The following NLGN1 variants were observed in gnomAD, a reference collection of about 807,000 sequenced individuals.
NLGN1 encodes neuroligin-1.
In NLGN1, 12 loss-of-function variants were observed where a neutral mutation model predicts 65.5. The ratio of observed to expected loss-of-function variants is 0.18; its 90% CI spans 0.12 to 0.30. The LOEUF (loss-of-function observed/expected upper bound fraction) is 0.30. Among genes scored for constraint, NLGN1 ranks in the 10% least tolerant of loss-of-function variants. NLGN1 has a pLI of 1.00. For missense variants in NLGN1, 750 were observed against 1,007.1 expected, an observed-to-expected ratio of 0.74 and a Z score of 3.46; for synonymous variants, 350 against 359.5, an observed-to-expected ratio of 0.97 and a Z score of 0.30.
intron 3 of NLGN1, among the ~76,000 whole-genome samples, chr3:173,773,763 G>A (rs1779914423): frequency 1.3e-5 from 2 of 152,052 alleles, no homozygotes; most frequent in African/African-American, 4.8e-5. Flanking sequence ...ACATATAACT[G>A]TATATATAAA....
At chr3:173,524,879 TA>T (rs1176340851) in intron 2 of NLGN1, among the ~76,000 whole-genome samples, 2 of 152,206 alleles carry the variant, frequency 1.3e-5, no homozygotes, top group Admixed American at 6.5e-5. Flanking sequence ...TTGATTTGCA[TA>T]TGTGAACCAT....
chr3:173,564,122 T>C (rs1206987845), intron 2 of NLGN1, among the ~76,000 whole-genome samples: 1 of 152,230 alleles, frequency 6.6e-6, no homozygotes, highest in East Asian at 1.9e-4. Context: ...ACATACCAGT[T>C]GCAGTCCTGC....
At chr3:173,899,383 G>A (rs551593443) in intron 4 of NLGN1, among the ~76,000 whole-genome samples, 4 of 152,176 alleles carry the variant, frequency 2.6e-5, no homozygotes, top group South Asian at 2.1e-4. Context: ...TGGAATAAGC[G>A]TAGAACATTT....
chr3:173,404,598 G>A (rs1718270692), intron 1 of NLGN1, among the ~76,000 whole-genome samples: 1 of 152,158 alleles, frequency 6.6e-6, no homozygotes, highest in South Asian at 2.1e-4. Context: ...GTGAAATAGA[G>A]TTTAAATAGA....
At chr3:174,112,665 G>T (rs578217069) in intron 4 of NLGN1, among the ~76,000 whole-genome samples, 2 of 151,754 alleles carry the variant, frequency 1.3e-5, no homozygotes, top group Non-Finnish European at 2.9e-5. Context: ...CATTACTTCC[G>T]CTTAAAATGA....
chr3:173,958,881 TA>T (rs1712817611), intron 4 of NLGN1, among the ~76,000 whole-genome samples: 1 of 152,154 alleles, frequency 6.6e-6, no homozygotes, highest in Non-Finnish European at 1.5e-5. Context: ...GGAGGGGGCC[TA>T]GGCAGCAGGG....
At chr3:174,149,848 A>T in intron 4 of NLGN1, among the ~76,000 whole-genome samples, 1 of 152,086 alleles carries the variant, frequency 6.6e-6, no homozygotes, top group East Asian at 1.9e-4. Context: ...GCTTTTGAAT[A>T]ACTAGGTGAA....
intron 4 of NLGN1, among the ~76,000 whole-genome samples, chr3:174,268,870 C>A (rs1321449307): frequency 2.6e-5 from 4 of 151,588 alleles, no homozygotes; most frequent in African/African-American, 9.7e-5. Flanking sequence ...TGTCTTAGAA[C>A]AAATTGATAA....
rs184600964 is a variant in NLGN1 at position 174,266,322 on chromosome 3, T to C, written c.647-8993T>C. Among the ~76,000 whole-genome samples, 5 of 152,268 alleles carry C rather than the reference T, an allele frequency of 3.3e-5. No individual in the cohort carries two copies. The East Asian group carries it at 7.7e-4, about 23-fold the overall frequency. ...GAAGATGCAGTATTCTGTTTTCTGC[T>C]CTTGTGTTAATTTGCGTAGGATAAT... On this transcript the variant is annotated intron_variant, in intron 4 of 6. Transcript: ENST00000457714.
chr3:173,995,831 T>C (rs1193030607), intron 4 of NLGN1, among the ~76,000 whole-genome samples: 1 of 151,816 alleles, frequency 6.6e-6, no homozygotes, highest in Non-Finnish European at 1.5e-5. Context: ...GGACTCCCGG[T>C]GCACATACCA....
At chr3:173,437,420 A>G (rs1430101335) in intron 2 of NLGN1, among the ~76,000 whole-genome samples, 2 of 152,204 alleles carry the variant, frequency 1.3e-5, no homozygotes, top group East Asian at 1.9e-4. Flanking sequence ...TTTCAGCTAC[A>G]TTATTAAAAG....
At chr3:173,466,957 CTTCT>C (rs1421609600) in intron 2 of NLGN1, among the ~76,000 whole-genome samples, 1 of 152,004 alleles carries the variant, frequency 6.6e-6, no homozygotes, top group Admixed American at 6.6e-5. Context: ...AATTTGTTGC[CTTCT>C]TTATTTTTAT....
chr3:173,908,804 C>T (rs1368985065), intron 4 of NLGN1, among the ~76,000 whole-genome samples: 1 of 152,088 alleles, frequency 6.6e-6, no homozygotes, highest in African/African-American at 2.4e-5. Context: ...GAGATGATGG[C>T]ATTGCGTTAT....
intron 2 of NLGN1, among the ~76,000 whole-genome samples, chr3:173,489,309 C>T (rs957700810): frequency 9.9e-5 from 15 of 152,088 alleles, no homozygotes; most frequent in African/African-American, 3.4e-4. Flanking sequence ...TGTTCAATTC[C>T]CAACTATGAG....
At position 173,778,813 on chromosome 3, in the gene NLGN1, A is replaced by G. The variant is rs532061956; in HGVS notation, c.494-28867A>G. ...CTTCTTCAAATATAGAAACAAATAT[A>G]GAATTCTGGATTACATATTGTAAAA... On this transcript the variant is annotated intron_variant, in intron 3 of 6. Coordinates refer to ENST00000457714, the Ensembl canonical transcript of NLGN1. 3.3e-5 allele frequency among the ~76,000 whole-genome samples: 5 copies of G among 151,876 alleles called. No homozygotes were observed. In the South Asian group the frequency reaches 1.0e-3, roughly 32 times the overall value.
chr3:174,291,208 T>A (rs1752732379), downstream of NLGN1, among the ~76,000 whole-genome samples: 1 of 145,994 alleles, frequency 6.8e-6, no homozygotes, highest in Admixed American at 6.9e-5. Flanking sequence ...AAGGGAGAAA[T>A]AAGAAAAAAA....
intron 2 of NLGN1, among the ~76,000 whole-genome samples, chr3:173,503,105 T>C (rs1350029419): frequency 6.6e-6 from 1 of 151,994 alleles, no homozygotes; most frequent in Non-Finnish European, 1.5e-5. Flanking sequence ...TGTGTGCGTG[T>C]GAGTGTATTT....
intron 5 of NLGN1, among the ~76,000 whole-genome samples, chr3:174,277,211 A>G (rs1750742163): frequency 6.6e-6 from 1 of 151,956 alleles, no homozygotes; most frequent in African/African-American, 2.4e-5. Flanking sequence ...GCTGAAAAAA[A>G]TCTCTTGAAA....
intron 1 of NLGN1, among the ~76,000 whole-genome samples, chr3:173,429,274 C>T (rs1340150989): frequency 6.6e-6 from 1 of 152,106 alleles, no homozygotes; most frequent in Non-Finnish European, 1.5e-5. Context: ...GTTTTGCTGG[C>T]AATAACCTCT....
Sources: gnomAD v4.1 joint callset for allele counts (sites outside exome capture counted in the v4.1 genomes callset) on GRCh38, gnomAD v4.1.1 for gene constraint, MANE v1.5 for transcripts, NCBI Gene and HGNC (gene_info 2026-07-23, HGNC 2026-07-21) for gene names.